Variants in PCDH15 observed in about 807,000 individuals in gnomAD.
PCDH15 encodes protocadherin-15.
PCDH15 carries 129 observed loss-of-function variants against 178.5 expected under a neutral mutation model. The observed-to-expected ratio is 0.72, with a 90% CI of 0.63 to 0.84. The LOEUF is 0.84. PCDH15 is among the 40% of genes least tolerant of loss of function. The pLI, the probability that PCDH15 is intolerant of heterozygous loss-of-function variation, is 0.00. For synonymous variants in PCDH15, 800 were observed against 732.0 expected, an observed-to-expected ratio of 1.09 and a Z score of -1.50; for missense variants, 2,230 against 2,099.9, an observed-to-expected ratio of 1.06 and a Z score of -1.21.
At chr10:55,430,730 C>T (rs61851133) in intron 2 of PCDH15, among the ~76,000 whole-genome samples, 62,026 of 151,904 alleles carry the variant, frequency 0.41, 13,533 homozygotes, top group African/African-American at 0.56. Context: ...AATTAATATT[C>T]TGCATACCTA....
chr10:55,499,858 T>C (rs1840617120), intron 2 of PCDH15, among the ~76,000 whole-genome samples: 2 of 151,742 alleles, frequency 1.3e-5, no homozygotes, highest in Admixed American at 6.6e-5. Context: ...TCAAATATCA[T>C]ATAAAATAGG....
chr10:54,261,510 T>C (rs2057313743), intron 8 of PCDH15, among the ~76,000 whole-genome samples: 1 of 152,106 alleles, frequency 6.6e-6, no homozygotes, highest in Non-Finnish European at 1.5e-5. Context: ...AAAAAATGTT[T>C]AGGTTCATTA....
intron 4 of PCDH15, among the ~76,000 whole-genome samples, chr10:54,375,148 A>G (rs1948213606): frequency 6.6e-6 from 1 of 152,130 alleles, no homozygotes; most frequent in Non-Finnish European, 1.5e-5. Context: ...CTATAGATTC[A>G]AACCAGTGAG....
intron 2 of PCDH15, among the ~76,000 whole-genome samples, chr10:55,142,794 G>C (rs903942322): frequency 6.6e-6 from 1 of 151,314 alleles, no homozygotes; most frequent in Non-Finnish European, 1.5e-5. Flanking sequence ...CCTTCTTTTG[G>C]GTAGCTGTCA....
At chr10:54,955,427 T>C (rs1303609903) in intron 2 of PCDH15, among the ~76,000 whole-genome samples, 1 of 151,390 alleles carries the variant, frequency 6.6e-6, no homozygotes, top group Non-Finnish European at 1.5e-5. Context: ...GATTGTTTTG[T>C]TTACCTACAA....
chr10:55,078,387 C>A (rs1377355355), intron 2 of PCDH15, among the ~76,000 whole-genome samples: 1 of 152,144 alleles, frequency 6.6e-6, no homozygotes, highest in Non-Finnish European at 1.5e-5. Flanking sequence ...AAGTTTTCAT[C>A]TATTATTCAT....
chr10:54,586,695 A>G (rs950313471), intron 2 of PCDH15, among the ~76,000 whole-genome samples: 1 of 152,122 alleles, frequency 6.6e-6, no homozygotes, highest in African/African-American at 2.4e-5. Flanking sequence ...TTCAGTCACC[A>G]TGTTTAGTTA....
intron 10 of PCDH15, among the ~76,000 whole-genome samples, chr10:54,197,673 T>C (rs558531387): frequency 6.6e-6 from 1 of 152,274 alleles, no homozygotes; most frequent in South Asian, 2.1e-4. Context: ...AAGACAATTT[T>C]TCACTTCCTT....
At chr10:54,982,538 A>T (rs1839263100) in intron 2 of PCDH15, among the ~76,000 whole-genome samples, 1 of 152,200 alleles carries the variant, frequency 6.6e-6, no homozygotes, top group Admixed American at 6.5e-5. Context: ...ACTACTCATA[A>T]TCTGATGATG....
chr10:55,484,065 C>T (rs1840244616), intron 2 of PCDH15, among the ~76,000 whole-genome samples: 1 of 151,528 alleles, frequency 6.6e-6, no homozygotes, highest in South Asian at 2.1e-4. Flanking sequence ...AAACCAAATA[C>T]CATATACAAG....
chr10:54,117,519 G>A (rs868470362), intron 15 of PCDH15, among the ~76,000 whole-genome samples: 13 of 152,182 alleles, frequency 8.5e-5, no homozygotes, highest in African/African-American at 2.9e-4. Context: ...TCCTGTTTGT[G>A]TTACAGCTCT....
At position 55,286,904 on chromosome 10, in the gene PCDH15, A is replaced by G. The variant is rs1008028499; in HGVS notation, c.-156+32695T>C. ...ACAGAGTTAATGGACTTACTATTTT[A>G]GGATCCATTTGTTAAAATTTCAATT... is the stretch of plus-strand genomic sequence containing the variant. On this transcript the variant is annotated intron_variant, in intron 1 of 5. Transcript: ENST00000458638. Among the ~76,000 whole-genome samples the G allele has an allele frequency of 5.3e-5, 8 of 152,094 alleles. 1 individual carries two copies. In the East Asian group the frequency reaches 1.4e-3, roughly 26 times the overall value.
At chr10:55,406,765 A>C (rs1055170866) in intron 2 of PCDH15, among the ~76,000 whole-genome samples, 5 of 152,092 alleles carry the variant, frequency 3.3e-5, no homozygotes, top group Non-Finnish European at 7.4e-5. Context: ...TAAAGCCTTG[A>C]AATGCATGAG....
At chr10:55,259,327 A>C (rs1313063246) in intron 1 of PCDH15, among the ~76,000 whole-genome samples, 2 of 152,366 alleles carry the variant, frequency 1.3e-5, no homozygotes, top group African/African-American at 4.8e-5. Flanking sequence ...AATTAAAAAA[A>C]TTATAGACTG....
chr10:54,625,731 A>G (rs1174987720), intron 2 of PCDH15, among the ~76,000 whole-genome samples: 1 of 152,132 alleles, frequency 6.6e-6, no homozygotes, highest in Non-Finnish European at 1.5e-5. Flanking sequence ...CAGCTTGAAA[A>G]CAGACTAATA....
intron 1 of PCDH15, among the ~76,000 whole-genome samples, chr10:55,309,771 TG>T (rs892686400): frequency 1.3e-5 from 2 of 152,144 alleles, no homozygotes; most frequent in African/African-American, 4.8e-5. Context: ...AACTGTAAAG[TG>T]TTCTTTAAAA....
At chr10:54,617,200 A>G (rs1344981552) in intron 2 of PCDH15, among the ~76,000 whole-genome samples, 1 of 152,030 alleles carries the variant, frequency 6.6e-6, no homozygotes, top group African/African-American at 2.4e-5. Flanking sequence ...TGGCCTAAAA[A>G]TATGACTATT....
At chr10:54,383,111 A>T (rs541187478) in intron 3 of PCDH15, among the ~76,000 whole-genome samples, 79 of 152,172 alleles carry the variant, frequency 5.2e-4, no homozygotes, top group Non-Finnish European at 1.0e-3. Context: ...AGATTTGAGC[A>T]TATAAAGGAG....
chr10:53,821,483 A>G (rs913180683), intron 32 of PCDH15: 1 of 1,022,284 alleles, frequency 9.8e-7, no homozygotes, highest in South Asian at 3.8e-5. Flanking sequence ...GAACATTCAT[A>G]TAAAACTACG....
Sources: gnomAD v4.1 joint callset for allele counts (sites outside exome capture counted in the v4.1 genomes callset) on GRCh38, gnomAD v4.1.1 for gene constraint, MANE v1.5 for transcripts, NCBI Gene and HGNC (gene_info 2026-07-23, HGNC 2026-07-21) for gene names.